The following RBFOX1 variants were observed in gnomAD, a reference collection of about 807,000 sequenced individuals.
RBFOX1 encodes RNA binding fox-1 homolog 1, also known as RNA binding protein fox-1 homolog 1.
Under a neutral mutation model 57.7 loss-of-function variants are expected in RBFOX1, and 8 were observed. The ratio of observed to expected loss-of-function variants is 0.14; its 90% CI spans 0.08 to 0.25. The LOEUF (loss-of-function observed/expected upper bound fraction) is 0.25, where lower values mean the gene tolerates loss of function less well. Ranked by LOEUF, RBFOX1 falls within the 10% of genes least tolerant of loss-of-function variation. The pLI is 1.00. For synonymous variants in RBFOX1, 326 were observed against 222.4 expected, an observed-to-expected ratio of 1.47 and a Z score of -4.15; for missense variants, 611 against 548.5, an observed-to-expected ratio of 1.11 and a Z score of -1.14.
In RBFOX1 at chr16:6,125,289, G is replaced by A. The variant is rs1427083385; in HGVS notation, c.-127+105297G>A. The stretch of plus-strand genomic sequence containing the variant: ...ATAAATAATAAGTCACTAGATGGAG[G>A]AGGATAGAGATGGAGGAGAAGAAGA... On this transcript the variant is annotated intron_variant, in intron 1 of 15. Transcript: ENST00000550418. Among the ~76,000 whole-genome samples the A allele has an allele frequency of 2.0e-5, 3 of 152,272 alleles. No homozygotes were observed. The East Asian group carries it at 5.8e-4, about 29-fold the overall frequency.
chr16:7,486,583 G>A (rs951481955), intron 4 of RBFOX1, among the ~76,000 whole-genome samples: 8 of 152,156 alleles, frequency 5.3e-5, no homozygotes, highest in Admixed American at 3.3e-4. Flanking sequence ...GGATTCAGGG[G>A]AAGGCGAGCA....
At chr16:6,237,763 A>AAAATT (rs2152920356) in intron 1 of RBFOX1, among the ~76,000 whole-genome samples, 1 of 152,154 alleles carries the variant, frequency 6.6e-6, no homozygotes, top group South Asian at 2.1e-4. Context: ...AAATAAAATT[A>AAAATT]AAATTAAATT....
At chr16:6,545,797 C>T (rs564257704) in intron 2 of RBFOX1, among the ~76,000 whole-genome samples, 57 of 152,308 alleles carry the variant, frequency 3.7e-4, no homozygotes, top group African/African-American at 1.3e-3. Context: ...TAGTGGACAG[C>T]CTCAAAGCTA....
intron 2 of RBFOX1, among the ~76,000 whole-genome samples, chr16:6,596,056 C>T (rs895698265): frequency 6.6e-5 from 10 of 151,878 alleles, no homozygotes; most frequent in Admixed American, 2.0e-4. Context: ...TGAAAATATT[C>T]TGTTTCATTC....
At chr16:6,837,243 A>G (rs1486425010) in intron 3 of RBFOX1, among the ~76,000 whole-genome samples, 1 of 152,196 alleles carries the variant, frequency 6.6e-6, no homozygotes, top group Non-Finnish European at 1.5e-5. Flanking sequence ...TAACACTTGC[A>G]TATTGCTCTC....
chr16:6,950,381 C>T (rs982359732), intron 3 of RBFOX1, among the ~76,000 whole-genome samples: 2 of 141,484 alleles, frequency 1.4e-5, no homozygotes, highest in Admixed American at 7.0e-5. Context: ...TCTGTCCACC[C>T]ACCACCCACT....
intron 2 of RBFOX1, among the ~76,000 whole-genome samples, chr16:6,628,874 C>CA (rs151049623): frequency 0.29 from 43,578 of 151,920 alleles, 7,714 homozygotes; most frequent in South Asian, 0.51. Flanking sequence ...ACTGAAAATA[C>CA]AAAAAATTAG....
At chr16:6,965,411 C>G (rs1180685787) in intron 3 of RBFOX1, among the ~76,000 whole-genome samples, 2 of 151,750 alleles carry the variant, frequency 1.3e-5, no homozygotes, top group East Asian at 1.9e-4. Flanking sequence ...GGCGTGATCT[C>G]AGCTTACTGC....
At chr16:5,547,557 A>T (rs1419559874) in intron 2 of RBFOX1, among the ~76,000 whole-genome samples, 1 of 152,178 alleles carries the variant, frequency 6.6e-6, no homozygotes, top group Non-Finnish European at 1.5e-5. Flanking sequence ...AAAAATGCAA[A>T]TCTATAGTGA....
At chr16:7,701,582 A>C (rs2080751070) in intron 14 of RBFOX1, among the ~76,000 whole-genome samples, 1 of 152,178 alleles carries the variant, frequency 6.6e-6, no homozygotes, top group Non-Finnish European at 1.5e-5. Flanking sequence ...CCCTGGTGCC[A>C]AGAAGGCCAG....
At chr16:7,081,105 G>C (rs2059128288) in intron 4 of RBFOX1, among the ~76,000 whole-genome samples, 1 of 152,138 alleles carries the variant, frequency 6.6e-6, no homozygotes, top group African/African-American at 2.4e-5. Flanking sequence ...CACGATGTTG[G>C]CTCACTGCAA....
At chr16:6,938,892 A>C (rs1350573405) in intron 3 of RBFOX1, among the ~76,000 whole-genome samples, 1 of 152,166 alleles carries the variant, frequency 6.6e-6, no homozygotes, top group Non-Finnish European at 1.5e-5. Context: ...AGATTGCACC[A>C]CTGCACTCCA....
rs576849126 is a variant in RBFOX1 at position 7,133,297 on chromosome 16, AC to A, written c.27+81200del. 4.5e-3 allele frequency among the ~76,000 whole-genome samples: 692 copies of A among 152,320 alleles called. 4 individuals are homozygous for A. The highest frequency in any genetic ancestry group is 0.01 in the Middle Eastern group (3 of 294). On this transcript the variant is annotated intron_variant, in intron 4 of 15. Coordinates refer to ENST00000550418, the MANE Select transcript of RBFOX1 (RefSeq NM_018723.4). ...TTTGTATATAAGCCATGGAGAGTACACTTGAAAAGCTTTGGCTTTTGAGATA... is the reference window on the plus strand; with the variant it reads ...TTTGTATATAAGCCATGGAGAGTACATTGAAAAGCTTTGGCTTTTGAGATA...
chr16:7,101,389 A>T (rs2062669552), intron 4 of RBFOX1, among the ~76,000 whole-genome samples: 1 of 152,214 alleles, frequency 6.6e-6, no homozygotes, highest in African/African-American at 2.4e-5. Flanking sequence ...AATTGCAAGG[A>T]AACTCTTGGA....
chr16:5,744,375 C>A (rs1034580141), intron 3 of RBFOX1, among the ~76,000 whole-genome samples: 41 of 152,278 alleles, frequency 2.7e-4, no homozygotes, highest in African/African-American at 9.9e-4. Flanking sequence ...CTCATGGAAT[C>A]CCTTGAAATC....
intron 4 of RBFOX1, among the ~76,000 whole-genome samples, chr16:7,190,709 T>C (rs562279107): frequency 6.8e-6 from 1 of 146,974 alleles, no homozygotes; most frequent in African/African-American, 2.5e-5. Context: ...AACAAACAGA[T>C]CCACTGTGTT....
intron 15 of RBFOX1, 108 bp from the exon 16 acceptor site, chr16:7,710,515 C>T (rs1294889382): frequency 2.5e-6 from 4 of 1,570,372 alleles, no homozygotes; most frequent in South Asian, 2.4e-5. Flanking sequence ...GGGGTGCCTC[C>T]ATTTCGGTTG....
rs180888211 is a variant in RBFOX1, at chr16:5,309,674, C to A, written c.219+69569C>A. On this transcript the variant is annotated intron_variant, in intron 1 of 2. Transcript: ENST00000585867. ...CCTCACTCCCCTCCCACTCTCTCAC[C>A]CTTCTGAGTCTCTGGTTTGGTAATG... 2.0e-4 allele frequency among the ~76,000 whole-genome samples: 31 copies of A among 152,162 alleles called. No homozygotes were observed. In the East Asian group the frequency reaches 5.8e-3, roughly 28 times the overall value.
intron 2 of RBFOX1, among the ~76,000 whole-genome samples, chr16:6,524,048 AT>A (rs757067239): frequency 6.6e-6 from 1 of 152,172 alleles, no homozygotes; most frequent in Non-Finnish European, 1.5e-5. Flanking sequence ...CAGGTAAGTT[AT>A]TATTGAGTAT....
Sources: gnomAD v4.1 joint callset for allele counts (sites outside exome capture counted in the v4.1 genomes callset) on GRCh38, gnomAD v4.1.1 for gene constraint, MANE v1.5 for transcripts, NCBI Gene and HGNC (gene_info 2026-07-23, HGNC 2026-07-21) for gene names.